FRYL: variants seen among roughly 807,000 people sequenced by gnomAD.
The protein encoded by FRYL is FRY like transcription coactivator.
A neutral mutation model predicts 351.2 loss-of-function variants in FRYL; 150 were observed. That is an observed-to-expected ratio of 0.43 (90% CI 0.37 to 0.49). The LOEUF is 0.49. Among genes scored for constraint, FRYL ranks in the 20% least tolerant of loss-of-function variants. FRYL has a pLI of 0.00. For synonymous variants in FRYL, 1,153 were observed against 1,257.1 expected (o/e 0.92, Z 1.75); for missense variants, 3,036 against 3,619.3 (o/e 0.84, Z 4.13).
chr4:48,505,366 T>A, intron 60 of FRYL, 181 bp downstream of exon 60: 2 of 632,694 alleles, frequency 3.2e-6, no homozygotes, highest in African/African-American at 1.8e-5. Flanking sequence ...TTAAAGTGAA[T>A]TTTTCATTAT....
intron 26 of FRYL, among the ~76,000 whole-genome samples, chr4:48,571,234 G>A (rs1366886963): frequency 6.6e-6 from 1 of 152,118 alleles, no homozygotes; most frequent in African/African-American, 2.4e-5. Context: ...TGTTATCATG[G>A]AATTATAAGG....
intron 3 of FRYL, among the ~76,000 whole-genome samples, chr4:48,660,025 T>C (rs1280861974): frequency 1.8e-4 from 27 of 151,506 alleles, no homozygotes; most frequent in Admixed American, 1.7e-3. Context: ...GGAGAAATTC[T>C]AGGACACAGG....
At chr4:48,595,859 A>G (rs1351323804) in intron 14 of FRYL, 38 bp downstream of exon 14, 1 of 1,356,980 alleles carries the variant, frequency 7.4e-7, no homozygotes, top group African/African-American at 1.5e-5. Flanking sequence ...TAAAAACAAG[A>G]ATTTATTTTT....
At chr4:48,595,001 A>G (rs1480000220) in intron 15 of FRYL, among the ~76,000 whole-genome samples, 1 of 152,216 alleles carries the variant, frequency 6.6e-6, no homozygotes, top group Non-Finnish European at 1.5e-5. Flanking sequence ...CACTCATGTG[A>G]GTCTCTTTGG....
At position 48,563,806 on chromosome 4, in the gene FRYL, AT is replaced by A. The variant is rs1460168326; in HGVS notation, c.3596+141del. ...GGCTAGAGCATCCATGGATTTTGGG[AT>A]CTGAGAGGGGTCCTGGAACCAATCC... On this transcript the variant is annotated intron_variant, in intron 31 of 63. Transcript: ENST00000358350. The A allele has an allele frequency of 1.1e-4, 83 of 783,442 alleles. No homozygotes were observed. The East Asian group carries it at 1.9e-3, about 18-fold the overall frequency. 48.5% of individuals were successfully genotyped at this position (783,442 alleles called of 1,614,324 possible). A position where few individuals can be genotyped will look rare whatever the true frequency, so the allele number is the denominator to read the frequency against.
At chr4:48,756,739 T>TTAG (rs1451906021) in intron 1 of FRYL, among the ~76,000 whole-genome samples, 1 of 152,164 alleles carries the variant, frequency 6.6e-6, no homozygotes, top group Non-Finnish European at 1.5e-5. Flanking sequence ...CTTGAGCTCA[T>TTAG]TAGTTCAAGA....
chr4:48,686,690 AT>A (rs1002335589), intron 2 of FRYL, among the ~76,000 whole-genome samples: 1 of 152,234 alleles, frequency 6.6e-6, no homozygotes, highest in African/African-American at 2.4e-5. Flanking sequence ...CCTAGGACCA[AT>A]TTGTACCACC....
chr4:48,604,553 A>T (rs994464664), intron 11 of FRYL, among the ~76,000 whole-genome samples: 5 of 151,880 alleles, frequency 3.3e-5, no homozygotes, highest in African/African-American at 1.2e-4. Flanking sequence ...AGGATTCAGA[A>T]CCATGCTTCT....
intron 1 of FRYL, among the ~76,000 whole-genome samples, chr4:48,734,175 A>G (rs1771032278): frequency 6.6e-6 from 1 of 152,208 alleles, no homozygotes; most frequent in African/African-American, 2.4e-5. Flanking sequence ...CTCACTTTCA[A>G]TATAAAGACA....
At chr4:48,512,058 C>A (rs958153414) in intron 57 of FRYL, among the ~76,000 whole-genome samples, 2 of 152,086 alleles carry the variant, frequency 1.3e-5, no homozygotes, top group Non-Finnish European at 2.9e-5. Flanking sequence ...GAGGAAGCAA[C>A]CTTAACAGCT....
chr4:48,585,943 T>C (rs1179150703), intron 19 of FRYL, among the ~76,000 whole-genome samples: 4 of 152,212 alleles, frequency 2.6e-5, no homozygotes, highest in East Asian at 3.9e-4. Context: ...AACTGTATAA[T>C]TGGACCCATT....
intron 3 of FRYL, among the ~76,000 whole-genome samples, chr4:48,671,302 A>T (rs965557873): frequency 1.3e-5 from 2 of 152,212 alleles, no homozygotes; most frequent in Non-Finnish European, 2.9e-5. Flanking sequence ...CGAACTTCTT[A>T]AAAAACCTTT....
intron 1 of FRYL, among the ~76,000 whole-genome samples, chr4:48,766,980 T>C (rs1172821276): frequency 6.8e-6 from 1 of 147,928 alleles, no homozygotes. Context: ...AATCATAATA[T>C]ATATCTATAT....
intron 3 of FRYL, among the ~76,000 whole-genome samples, chr4:48,646,742 A>C (rs1044881561): frequency 6.6e-6 from 1 of 152,202 alleles, no homozygotes; most frequent in African/African-American, 2.4e-5. Context: ...AATATTAAGC[A>C]GTCAGTACAG....
chr4:48,752,825 C>T (rs1471246497), intron 1 of FRYL, among the ~76,000 whole-genome samples: 1 of 152,200 alleles, frequency 6.6e-6, no homozygotes, highest in Non-Finnish European at 1.5e-5. Context: ...CCAGAAGCAG[C>T]AGCCCCCACC....
chr4:48,592,116 T>TATATATATATATATATATATATA (rs1553942046), intron 16 of FRYL, among the ~76,000 whole-genome samples: 5 of 84,388 alleles, frequency 5.9e-5, no homozygotes, highest in Non-Finnish European at 9.1e-5. Flanking sequence ...ATATATATAT[T>TATATATATATATATATATATATA]TTATCTAAGT....
At chr4:48,510,743 C>T (rs568376094) in intron 58 of FRYL, 92 bp downstream of exon 58, 11 of 989,984 alleles carry the variant, frequency 1.1e-5, no homozygotes, top group Admixed American at 6.5e-5. Flanking sequence ...AACCTTTATA[C>T]CATAAAATTC....
Position 48,537,806 on chromosome 4 carries a change from C to A in FRYL, c.6394-1979G>T, listed in dbSNP as rs73814792. Among the ~76,000 whole-genome samples the A allele has an allele frequency of 3.1e-3, 471 of 152,296 alleles. 4 individuals carry two copies. Among genetic ancestry groups the A allele is most frequent in the African/African-American group, 0.011 (443 of 41,568 alleles). On this transcript the variant is annotated intron_variant, in intron 47 of 63. Transcript: ENST00000358350. ...TAACATCCTTCAGGCTAGGAGGCCA[C>A]ACTCCTTAGTTATCCCAGCATTTAG...
Position 48,564,078 on chromosome 4 carries a change from C to T in FRYL, c.3466G>A (p.Val1156Ile). Residue 1156 changes from valine (V) to isoleucine (I), a missense_variant, in exon 31 of 64, where the codon GTT becomes ATT. Physicochemically the swap from Val to Ile is conservative, Grantham distance 29. Around this residue, in one of 7 missense-constraint regions of FRYL, gnomAD observed 1,987 missense variants for 2,311.7 expected, o/e 0.86. Coordinates refer to ENST00000358350, the MANE Select transcript of FRYL (RefSeq NM_015030.2). ...KKVHQLGCEA[V>I]TLLLELNPDQ... ...GGGTTCAGCTCCAGTAACAACGTAA[C>T]TGCTTCACAGCCCAGCTGGTGAACC... 6.2e-7 allele frequency: 1 copy of T among 1,614,152 alleles called. No homozygotes were observed. Among genetic ancestry groups the T allele is most frequent in the Non-Finnish European group, 8.5e-7 (1 of 1,180,008 alleles).
Sources: gnomAD v4.1 joint callset for allele counts (sites outside exome capture counted in the v4.1 genomes callset) on GRCh38, gnomAD v4.1.1 for gene constraint, gnomAD v4.1.1 regional missense constraint, MANE v1.5 for transcripts, NCBI Gene and HGNC (gene_info 2026-07-23, HGNC 2026-07-21) for gene names.